Variants in EHHADH observed in about 807,000 individuals in gnomAD.
EHHADH encodes enoyl-CoA hydratase and 3-hydroxyacyl CoA dehydrogenase.
In EHHADH, 48 loss-of-function variants were observed where a neutral mutation model predicts 64.4. The ratio of observed to expected loss-of-function variants is 0.75; its 90% CI spans 0.59 to 0.95. EHHADH has a LOEUF of 0.95. Ranked by LOEUF, EHHADH falls within the 40% of genes least tolerant of loss-of-function variation. The probability of loss-of-function intolerance (pLI) is 0.00; values close to 1 mark genes in which losing one functional copy is unlikely to be tolerated. For synonymous variants in EHHADH, 308 were observed against 326.7 expected (o/e 0.94, Z 0.62); for missense variants, 854 against 876.6 (o/e 0.97, Z 0.33).
Position 185,192,594 on chromosome 3 carries a change from G to T in EHHADH, c.1804C>A (p.Arg602=), listed in dbSNP as rs148208284. The part of the protein sequence containing the change: ...PDPWLSKFLS[R]YRKTHHIEPR... ...TCAATGTGATGGGTTTTTCTATACC[G>T]TGATAGGAATTTGGAAAGCCAGGGA... is the stretch of plus-strand genomic sequence containing the variant. The change falls in exon 7 of 7, where the codon CGG becomes AGG. Residue 602 remains arginine, a synonymous_variant. Transcript: ENST00000231887. The T allele has an allele frequency of 6.2e-7, 1 of 1,614,062 alleles. No individual in the cohort carries two copies. Among genetic ancestry groups the T allele is most frequent in the African/African-American group, 1.3e-5 (1 of 74,914 alleles).
chr3:185,234,952 G>A (rs557654457), intron 3 of EHHADH, among the ~76,000 whole-genome samples: 21 of 152,178 alleles, frequency 1.4e-4, no homozygotes, highest in African/African-American at 4.1e-4. Flanking sequence ...GGAAGCCAAG[G>A]TGGGTGGTCA....
intron 4 of EHHADH, among the ~76,000 whole-genome samples, chr3:185,228,724 C>G (rs1719069328): frequency 6.6e-6 from 1 of 152,088 alleles, no homozygotes; most frequent in African/African-American, 2.4e-5. Flanking sequence ...TAGCTGATAT[C>G]TTAATACTTG....
At chr3:185,233,933 C>A (rs4686557) in intron 3 of EHHADH, among the ~76,000 whole-genome samples, 101,341 of 152,020 alleles carry the variant, frequency 0.67, 35,741 homozygotes, top group Non-Finnish European at 0.79. Flanking sequence ...CATGAGCCAC[C>A]ATGCCCAGCC....
chr3:185,228,257 A>ATATATATATAT (rs1553778699), intron 4 of EHHADH, among the ~76,000 whole-genome samples: 2 of 22,004 alleles, frequency 9.1e-5, no homozygotes, highest in African/African-American at 2.4e-4. Flanking sequence ...AAAAAAAAAA[A>ATATATATATAT]ATATATATAT....
intron 1 of EHHADH, among the ~76,000 whole-genome samples, chr3:185,249,991 G>C (rs1178239485): frequency 6.6e-6 from 1 of 152,176 alleles, no homozygotes; most frequent in Non-Finnish European, 1.5e-5. Context: ...CAGCCACCTT[G>C]GATCAGGAGG....
At position 185,253,735 on chromosome 3, in the gene EHHADH, C is replaced by A. The variant is rs761824749; in HGVS notation, c.74+214G>T. ...GTAAAACGGGGACGAGAGTTCCCTG[C>A]GAAGATTAACCAAGCTAATCTAGGT... On this transcript the variant is annotated intron_variant, in intron 1 of 6. Coordinates refer to ENST00000231887, the MANE Select transcript of EHHADH (RefSeq NM_001966.4). 991 of 1,130,982 alleles carry A rather than the reference C, an allele frequency of 8.8e-4. 1 individual carries two copies. The highest frequency in any genetic ancestry group is 1.1e-3 in the Non-Finnish European group (952 of 866,686). The allele number at this position is 1,130,982 out of a possible 1,614,324, so 70.1% of individuals were successfully genotyped here. A position where few individuals can be genotyped will look rare whatever the true frequency, so the allele number is the denominator to read the frequency against.
chr3:185,219,603 A>G (rs1277788709), intron 4 of EHHADH, among the ~76,000 whole-genome samples: 1 of 152,242 alleles, frequency 6.6e-6, no homozygotes, highest in Non-Finnish European at 1.5e-5. Flanking sequence ...TGATCTGCAT[A>G]TTCTGAGGTA....
chr3:185,252,324 C>T (rs763223708), intron 1 of EHHADH, among the ~76,000 whole-genome samples: 2 of 151,648 alleles, frequency 1.3e-5, no homozygotes, highest in East Asian at 1.9e-4. Context: ...CACTTGAACC[C>T]GGGAGGCAGA....
intron 4 of EHHADH, 52 bp from the exon 5 acceptor site, chr3:185,218,292 T>A: frequency 7.5e-7 from 1 of 1,330,368 alleles, no homozygotes; most frequent in Non-Finnish European, 1.1e-6. Flanking sequence ...GATGTAAGAT[T>A]AAAGCAAAAG....
chr3:185,220,391 T>C (rs756644538), intron 4 of EHHADH, among the ~76,000 whole-genome samples: 2 of 152,200 alleles, frequency 1.3e-5, no homozygotes, highest in Non-Finnish European at 2.9e-5. Context: ...GATACATAAA[T>C]ACTTTCCATT....
chr3:185,243,525 T>C (rs1293657817), intron 2 of EHHADH, among the ~76,000 whole-genome samples: 1 of 152,184 alleles, frequency 6.6e-6, no homozygotes, highest in Non-Finnish European at 1.5e-5. Flanking sequence ...AGGTGCAACA[T>C]TAGGTTGTGA....
At chr3:185,230,307 T>A (rs1719117587) in intron 3 of EHHADH, among the ~76,000 whole-genome samples, 1 of 152,132 alleles carries the variant, frequency 6.6e-6, no homozygotes, top group African/African-American at 2.4e-5. Flanking sequence ...ACCCATCAAA[T>A]CCATTCCTGG....
intron 3 of EHHADH, among the ~76,000 whole-genome samples, chr3:185,233,533 C>T (rs1438733890): frequency 2.6e-5 from 4 of 152,014 alleles, no homozygotes; most frequent in African/African-American, 9.7e-5. Flanking sequence ...GTATTAAGTT[C>T]TCTAATTAAA....
chr3:185,227,379 A>G (rs2108642821), intron 4 of EHHADH, among the ~76,000 whole-genome samples: 1 of 152,124 alleles, frequency 6.6e-6, no homozygotes. Flanking sequence ...CTAAAAATAC[A>G]AAATTAGCTG....
chr3:185,211,162 T>C (rs907778192), intron 5 of EHHADH, among the ~76,000 whole-genome samples: 1 of 152,214 alleles, frequency 6.6e-6, no homozygotes, highest in South Asian at 2.1e-4. Context: ...TTTGGGTGTA[T>C]AAGTACAGTT....
At chr3:185,207,582 G>A (rs769319823) in intron 5 of EHHADH, among the ~76,000 whole-genome samples, 26 of 152,142 alleles carry the variant, frequency 1.7e-4, no homozygotes, top group Non-Finnish European at 1.8e-4. Flanking sequence ...GCAAGAACAT[G>A]GGGACTCTGA....
At chr3:185,237,640 A>C (rs1302327998) in intron 2 of EHHADH, among the ~76,000 whole-genome samples, 1 of 152,150 alleles carries the variant, frequency 6.6e-6, no homozygotes, top group Non-Finnish European at 1.5e-5. Flanking sequence ...TTAATCTTTT[A>C]ATGGGATGAA....
chr3:185,224,378 G>A (rs924677343), intron 4 of EHHADH, among the ~76,000 whole-genome samples: 3 of 151,406 alleles, frequency 2.0e-5, no homozygotes, highest in Non-Finnish European at 4.4e-5. Context: ...GCACGTGCCT[G>A]TAATCCCAGC....
intron 4 of EHHADH, among the ~76,000 whole-genome samples, chr3:185,222,573 A>T (rs1718865469): frequency 6.6e-6 from 1 of 152,184 alleles, no homozygotes. Flanking sequence ...TTACTGTCTG[A>T]TTTAACAGAA....
Sources: gnomAD v4.1 joint callset for allele counts (sites outside exome capture counted in the v4.1 genomes callset) on GRCh38, gnomAD v4.1.1 for gene constraint, MANE v1.5 for transcripts, NCBI Gene and HGNC (gene_info 2026-07-23, HGNC 2026-07-21) for gene names.